The following ARK2N variants were observed in gnomAD, a reference collection of about 807,000 sequenced individuals.
ARK2N encodes protein ARK2N.
the ARK2N span, among the ~76,000 whole-genome samples, chr18:46,190,084 A>G: frequency 3.9e-5 from 6 of 152,214 alleles, no homozygotes; most frequent in Non-Finnish European, 7.3e-5. Flanking sequence ...CTTTTCTTAG[A>G]AATCAGGATT....
the ARK2N span, among the ~76,000 whole-genome samples, chr18:46,199,431 TCA>T: frequency 4.6e-5 from 7 of 151,140 alleles, no homozygotes; most frequent in African/African-American, 1.7e-4. Flanking sequence ...TCTTCCTGCC[TCA>T]GTCTCCTGAG....
the ARK2N span, among the ~76,000 whole-genome samples, chr18:46,252,809 T>C: frequency 6.6e-6 from 1 of 152,238 alleles, no homozygotes; most frequent in African/African-American, 2.4e-5. Context: ...TTTTAGCTCT[T>C]GCTAGAATTG....
chr18:46,237,844 T>A, the ARK2N span, among the ~76,000 whole-genome samples: 1 of 152,248 alleles, frequency 6.6e-6, no homozygotes, highest in Non-Finnish European at 1.5e-5. Context: ...TAGTATTGAC[T>A]TGTCATTGTT....
At chr18:46,230,371 G>A in the ARK2N span, among the ~76,000 whole-genome samples, 1 of 152,170 alleles carries the variant, frequency 6.6e-6, no homozygotes, top group Non-Finnish European at 1.5e-5. Context: ...TTACATGACG[G>A]CATTTTTATG....
At chr18:46,209,704 T>G in the ARK2N span, among the ~76,000 whole-genome samples, 1 of 152,180 alleles carries the variant, frequency 6.6e-6, no homozygotes, top group East Asian at 1.9e-4. Flanking sequence ...CAAGTGATTC[T>G]TCTGCCTCAG....
chr18:46,241,664 G>A, the ARK2N span, among the ~76,000 whole-genome samples: 2 of 151,952 alleles, frequency 1.3e-5, no homozygotes, highest in South Asian at 2.1e-4. Context: ...GGCAGAGGTT[G>A]CAGTGAGCTA....
At chr18:46,240,265 G>C in the ARK2N span, 1 of 1,478,834 alleles carries the variant, frequency 6.8e-7, no homozygotes, top group Non-Finnish European at 9.2e-7. Context: ...AGTGGACCCT[G>C]ATGAGGAGAA....
chr18:46,182,638 A>C, the ARK2N span, among the ~76,000 whole-genome samples: 1 of 150,392 alleles, frequency 6.6e-6, no homozygotes, highest in Non-Finnish European at 1.5e-5. Context: ...CTTGATTTAC[A>C]CTGATGATGC....
At chr18:46,234,314 C>T in the ARK2N span, among the ~76,000 whole-genome samples, 3 of 152,110 alleles carry the variant, frequency 2.0e-5, no homozygotes, top group African/African-American at 7.2e-5. Flanking sequence ...TCTCCTGCCT[C>T]AGCCTCCCGA....
chr18:46,187,803 A>C, the ARK2N span, among the ~76,000 whole-genome samples: 1 of 152,206 alleles, frequency 6.6e-6, no homozygotes, highest in East Asian at 1.9e-4. Flanking sequence ...TAATAGATTC[A>C]GTAATAAACA....
the ARK2N span, among the ~76,000 whole-genome samples, chr18:46,198,210 A>G: frequency 6.6e-6 from 1 of 150,590 alleles, no homozygotes; most frequent in Non-Finnish European, 1.5e-5. Flanking sequence ...CTGAGGCACG[A>G]GAATCACAGA....
the ARK2N span, among the ~76,000 whole-genome samples, chr18:46,242,097 C>T: frequency 6.6e-6 from 1 of 152,182 alleles, no homozygotes; most frequent in East Asian, 1.9e-4. Context: ...GCGTGAACCA[C>T]TGCACCCAGC....
the ARK2N span, among the ~76,000 whole-genome samples, chr18:46,206,117 G>A: frequency 7.0e-6 from 1 of 142,436 alleles, no homozygotes; most frequent in Non-Finnish European, 1.5e-5. Flanking sequence ...TTTTTTCTTT[G>A]CTCTGTCTCC....
the ARK2N span, among the ~76,000 whole-genome samples, chr18:46,258,173 G>A: frequency 3.9e-5 from 6 of 152,102 alleles, no homozygotes; most frequent in Admixed American, 3.9e-4. Flanking sequence ...CGATCTGCCC[G>A]CCTCGGCCTC....
At chr18:46,241,614 G>T in the ARK2N span, among the ~76,000 whole-genome samples, 40 of 151,596 alleles carry the variant, frequency 2.6e-4, no homozygotes, top group Non-Finnish European at 5.9e-5. Flanking sequence ...GTGGTGGTGG[G>T]CGCCTGTAAT....
At chr18:46,221,093 G>C in the ARK2N span, among the ~76,000 whole-genome samples, 1 of 152,130 alleles carries the variant, frequency 6.6e-6, no homozygotes, top group Admixed American at 6.5e-5. Flanking sequence ...CCATGATTGA[G>C]CCTCTGCACT....
the ARK2N span, among the ~76,000 whole-genome samples, chr18:46,205,021 G>A: frequency 6.6e-6 from 1 of 150,810 alleles, no homozygotes; most frequent in South Asian, 2.1e-4. Flanking sequence ...TCGGCTCACT[G>A]CAACTTCTGC....
At chr18:46,238,578 T>C in the ARK2N span, among the ~76,000 whole-genome samples, 1 of 152,194 alleles carries the variant, frequency 6.6e-6, no homozygotes, top group Non-Finnish European at 1.5e-5. Flanking sequence ...CTTAAGGGGA[T>C]CTGGAAATTA....
the ARK2N span, among the ~76,000 whole-genome samples, chr18:46,188,850 T>A: frequency 6.6e-6 from 1 of 151,980 alleles, no homozygotes; most frequent in East Asian, 1.9e-4. Flanking sequence ...TGTTGAAAGA[T>A]CTGGAGCCTA....
Sources: allele counts gnomAD v4.1 joint callset (sites outside exome capture counted in the v4.1 genomes callset), GRCh38; gene constraint gnomAD v4.1.1; transcripts MANE v1.5; gene names NCBI Gene and HGNC (gene_info 2026-07-23, HGNC 2026-07-21).